Variants in ADGRG1 observed in about 807,000 individuals in gnomAD.
The protein encoded by ADGRG1 is 7-transmembrane protein with no EGF-like N-terminal domains-1.
Under a neutral mutation model 73.5 loss-of-function variants are expected in ADGRG1, and 53 were observed. That is an observed-to-expected ratio of 0.72 (90% CI 0.58 to 0.91). The LOEUF (loss-of-function observed/expected upper bound fraction) is 0.91, where lower values mean the gene tolerates loss of function less well. Ranked by LOEUF, ADGRG1 falls within the 40% of genes least tolerant of loss-of-function variation. The pLI is 0.00. For missense variants in ADGRG1, 795 were observed against 871.8 expected (o/e 0.91, Z 1.11); for synonymous variants, 394 against 374.4 (o/e 1.05, Z -0.60).
intron 1 of ADGRG1, chr16:57,647,968 C>A: frequency 6.3e-6 from 1 of 158,266 alleles, no homozygotes; most frequent in Non-Finnish European, 1.4e-5. Context: ...GTCCTTCAGC[C>A]ATGCCTACTG....
intron 1 of ADGRG1, chr16:57,641,016 C>G: frequency 4.1e-6 from 4 of 985,474 alleles, no homozygotes; most frequent in Non-Finnish European, 4.8e-6. Flanking sequence ...CTAGAGGGGT[C>G]AGGGGAGACG....
chr16:57,645,075 A>T, intron 1 of ADGRG1: 1 of 985,346 alleles, frequency 1.0e-6, no homozygotes, highest in Non-Finnish European at 1.2e-6. Context: ...ACACACACCC[A>T]CATGCCTGTG....
chr16:57,646,322 C>A, intron 1 of ADGRG1: 1 of 926,374 alleles, frequency 1.1e-6, no homozygotes, highest in Non-Finnish European at 1.3e-6. Flanking sequence ...TGAGCCAGGT[C>A]TGGAGCTGGA....
intron 5 of ADGRG1, 51 bp downstream of exon 5, chr16:57,654,184 A>C (rs1567773310): frequency 6.3e-7 from 1 of 1,577,416 alleles, no homozygotes. Context: ...CCGGGGCCAG[A>C]TGGAGGTGGG....
chr16:57,633,872 A>G (rs1232751868), intron 1 of ADGRG1, among the ~76,000 whole-genome samples: 11 of 152,196 alleles, frequency 7.2e-5, no homozygotes, highest in African/African-American at 2.7e-4. Context: ...TCCCCTTTGG[A>G]CATGCCCATT....
chr16:57,629,966 C>T (rs2037292335), intron 1 of ADGRG1: 1 of 984,136 alleles, frequency 1.0e-6, no homozygotes, highest in Non-Finnish European at 1.2e-6. Flanking sequence ...GCCTCCCACC[C>T]CCACCAATGT....
rs374732904 is a variant in ADGRG1 at position 57,660,319 on chromosome 16, GTC to G, written c.1556-445_1556-444del. 8.7e-4 allele frequency: 858 copies of G among 984,786 alleles called. 4 individuals are homozygous for G. In the African/African-American group the frequency reaches 0.014, roughly 16 times the overall value. The allele number at this position is 984,786 out of a possible 1,614,324, so 61.0% of individuals were successfully genotyped here. A position where few individuals can be genotyped will look rare whatever the true frequency, so the allele number is the denominator to read the frequency against. ...ATTTGCATGAAATTCCTTTGGAGGT[GTC>G]TCTGTGTCAGGACTTTGTGTTTGGA... On this transcript the variant is annotated intron_variant, in intron 11 of 13. Coordinates refer to ENST00000562631, the MANE Select transcript of ADGRG1 (RefSeq NM_201525.4).
upstream of ADGRG1, chr16:57,625,422 C>A: frequency 5.2e-6 from 1 of 190,676 alleles, no homozygotes; most frequent in Non-Finnish European, 9.7e-6. Flanking sequence ...CCCACCTTCA[C>A]TTGTCGGGTT....
Position 57,663,615 on chromosome 16 carries a change from G to C in ADGRG1, c.*33G>C. ...GCCCACCTGCCCATGTGATGAAGCAGAGATTCGGCCTCGTCGCACACTGCC... is the reference window on the plus strand; with the variant it reads ...GCCCACCTGCCCATGTGATGAAGCACAGATTCGGCCTCGTCGCACACTGCC... On this transcript the variant is annotated 3_prime_UTR_variant, in exon 14 of 14. Transcript: ENST00000562631. 6.2e-7 allele frequency: 1 copy of C among 1,608,506 alleles called. No individual in the cohort carries two copies. The highest frequency in any genetic ancestry group is 8.5e-7 in the Non-Finnish European group (1 of 1,178,920).
At chr16:57,630,592 C>T (rs1367144824) in intron 1 of ADGRG1, 10 of 935,244 alleles carry the variant, frequency 1.1e-5, no homozygotes, top group East Asian at 1.2e-4. Flanking sequence ...CAGGCTGTGT[C>T]CCGGCCTGGG....
At chr16:57,634,595 C>T (rs902918493) in intron 1 of ADGRG1, 6 of 466,520 alleles carry the variant, frequency 1.3e-5, no homozygotes, top group African/African-American at 2.1e-5. Context: ...TAGCAGAGCC[C>T]GAACCCAGTC....
upstream of ADGRG1, among the ~76,000 whole-genome samples, chr16:57,624,516 A>G (rs961246991): frequency 6.6e-6 from 1 of 151,886 alleles, no homozygotes; most frequent in Non-Finnish European, 1.5e-5. Context: ...CAAAGAAAAA[A>G]CCCACTTCTG....
At chr16:57,661,631 C>A in intron 12 of ADGRG1, 66 bp from the exon 13 acceptor site, 1 of 1,561,880 alleles carries the variant, frequency 6.4e-7, no homozygotes, top group South Asian at 1.2e-5. Context: ...ACAAACATGA[C>A]AACCACAGCC....
At chr16:57,663,311 T>C (rs2047704183) in intron 13 of ADGRG1, 141 bp from the exon 14 acceptor site, 2 of 1,526,290 alleles carry the variant, frequency 1.3e-6, no homozygotes, top group African/African-American at 1.4e-5. Flanking sequence ...GCTCGCTGGG[T>C]CTCATGGGTG....
At position 57,651,329 on chromosome 16, in the gene ADGRG1, T is replaced by A; in HGVS notation, c.194T>A (p.Leu65His). The change falls in exon 3 of 14, where the codon CTC becomes CAC. Residue 65 changes from leucine to histidine, a missense_variant. Coordinates refer to ENST00000562631, the MANE Select transcript of ADGRG1 (RefSeq NM_201525.4). ...TCCATCGAGAACTCCGAAGAGGCCC[T>A]CACAGTCCATGCCCCTTTCCCTGCA... ...RISIENSEEA[L>H]TVHAPFPAAH... 6.2e-7 allele frequency: 1 copy of A among 1,613,904 alleles called. No homozygotes were observed. The highest frequency in any genetic ancestry group is 8.5e-7 in the Non-Finnish European group (1 of 1,179,936).
At chr16:57,653,000 T>G (rs1597488581) in intron 3 of ADGRG1, 1 of 1,429,720 alleles carries the variant, frequency 7.0e-7, no homozygotes, top group Non-Finnish European at 9.1e-7. Flanking sequence ...TGCTGGCGGG[T>G]TCTGTAAGAC....
chr16:57,634,588 C>A, intron 1 of ADGRG1: 1 of 567,290 alleles, frequency 1.8e-6, no homozygotes, highest in Non-Finnish European at 2.2e-6. Context: ...TCAGTGGTAG[C>A]AGAGCCCGAA....
intron 13 of ADGRG1, 41 bp downstream of exon 13, chr16:57,662,006 A>T: frequency 6.6e-7 from 1 of 1,510,164 alleles, no homozygotes. Flanking sequence ...CAGGGTGTCT[A>T]CACATGGAGC....
chr16:57,631,406 G>A, intron 1 of ADGRG1: 1 of 985,986 alleles, frequency 1.0e-6, no homozygotes, highest in Non-Finnish European at 1.2e-6. Flanking sequence ...CAGGGATGCA[G>A]GATGGGCTTC....
Sources: gnomAD v4.1 joint callset for allele counts (sites outside exome capture counted in the v4.1 genomes callset) on GRCh38, gnomAD v4.1.1 for gene constraint, MANE v1.5 for transcripts, NCBI Gene and HGNC (gene_info 2026-07-23, HGNC 2026-07-21) for gene names.